The following AGTR1 variants were observed in gnomAD, a reference collection of about 807,000 sequenced individuals.
The protein encoded by AGTR1 is type-1 angiotensin II receptor.
A neutral mutation model predicts 19.4 loss-of-function variants in AGTR1; 16 were observed. That is an observed-to-expected ratio of 0.82 (90% confidence interval 0.56 to 1.25). The LOEUF is 1.25. Ranked by LOEUF, AGTR1 falls within the 50% of genes most tolerant of loss-of-function variation. The pLI is 0.00. For synonymous variants in AGTR1, 153 were observed against 154.9 expected (o/e 0.99, Z 0.09); for missense variants, 373 against 431.9 (o/e 0.86, Z 1.21).
At chr3:148,715,654 A>G (rs917159066) in intron 2 of AGTR1, among the ~76,000 whole-genome samples, 3 of 152,196 alleles carry the variant, frequency 2.0e-5, no homozygotes, top group Non-Finnish European at 4.4e-5. Flanking sequence ...ATAAAAATAA[A>G]TGCCATTATT....
chr3:148,720,282 C>T (rs570705159), intron 2 of AGTR1, among the ~76,000 whole-genome samples: 1 of 152,240 alleles, frequency 6.6e-6, no homozygotes, highest in East Asian at 1.9e-4. Context: ...CACACACACA[C>T]AGAGGCTCAA....
At chr3:148,729,338 T>A (rs934084712) in intron 2 of AGTR1, among the ~76,000 whole-genome samples, 1 of 152,228 alleles carries the variant, frequency 6.6e-6, no homozygotes, top group African/African-American at 2.4e-5. Context: ...TAGCCTTCTA[T>A]GCAGAAATGC....
At chr3:148,719,417 G>A (rs1335696843) in intron 2 of AGTR1, among the ~76,000 whole-genome samples, 1 of 152,158 alleles carries the variant, frequency 6.6e-6, no homozygotes, top group Non-Finnish European at 1.5e-5. Flanking sequence ...GTCTGGATCT[G>A]TATTATTTTT....
chr3:148,723,401 G>A (rs1221392954), intron 2 of AGTR1, among the ~76,000 whole-genome samples: 1 of 152,194 alleles, frequency 6.6e-6, no homozygotes, highest in Non-Finnish European at 1.5e-5. Flanking sequence ...GGGCCACTGA[G>A]TGTGGCTCTA....
At chr3:148,706,723 A>T (rs905748385) in intron 1 of AGTR1, among the ~76,000 whole-genome samples, 1 of 152,038 alleles carries the variant, frequency 6.6e-6, no homozygotes, top group Non-Finnish European at 1.5e-5. Context: ...AAGAATTACT[A>T]TGGAAACAAT....
intron 2 of AGTR1, among the ~76,000 whole-genome samples, chr3:148,728,590 G>C (rs1714086316): frequency 6.6e-6 from 1 of 152,154 alleles, no homozygotes; most frequent in South Asian, 2.1e-4. Flanking sequence ...AGTAGTTAAT[G>C]ATCCAGAAAT....
intron 2 of AGTR1, among the ~76,000 whole-genome samples, chr3:148,714,278 A>G (rs1713163143): frequency 6.6e-6 from 1 of 152,150 alleles, no homozygotes; most frequent in African/African-American, 2.4e-5. Context: ...AAAATTTATA[A>G]TATGTTGGAT....
chr3:148,701,466 T>G (rs530311774), intron 1 of AGTR1, among the ~76,000 whole-genome samples: 10 of 152,232 alleles, frequency 6.6e-5, no homozygotes, highest in Non-Finnish European at 1.3e-4. Flanking sequence ...AAATTCATTA[T>G]GTAGTATAAA....
At chr3:148,738,268 G>A (rs1275546222) in intron 2 of AGTR1, among the ~76,000 whole-genome samples, 1 of 151,972 alleles carries the variant, frequency 6.6e-6, no homozygotes, top group Non-Finnish European at 1.5e-5. Flanking sequence ...TTATTCCCAA[G>A]CTGAACCAAA....
intron 2 of AGTR1, among the ~76,000 whole-genome samples, chr3:148,720,645 C>G (rs1354756269): frequency 6.6e-6 from 1 of 152,164 alleles, no homozygotes; most frequent in African/African-American, 2.4e-5. Context: ...ATTAATCTAG[C>G]TGCCTCGTAC....
chr3:148,729,782 T>G (rs977775224), intron 2 of AGTR1, among the ~76,000 whole-genome samples: 1 of 152,194 alleles, frequency 6.6e-6, no homozygotes, highest in African/African-American at 2.4e-5. Context: ...CTGTAATTTA[T>G]GTTTAAAAAT....
chr3:148,725,479 G>A (rs1242513121), intron 2 of AGTR1, among the ~76,000 whole-genome samples: 3 of 152,042 alleles, frequency 2.0e-5, no homozygotes, highest in African/African-American at 7.2e-5. Context: ...AAAATTTTAT[G>A]ACGCAATTTA....
chr3:148,725,846 T>A (rs1309935539), intron 2 of AGTR1, among the ~76,000 whole-genome samples: 1 of 152,216 alleles, frequency 6.6e-6, no homozygotes, highest in East Asian at 1.9e-4. Context: ...TCCAGCCAGA[T>A]AATAGACTCT....
chr3:148,725,904 A>AAT (rs1339411835), intron 2 of AGTR1, among the ~76,000 whole-genome samples: 1 of 152,188 alleles, frequency 6.6e-6, no homozygotes, highest in Non-Finnish European at 1.5e-5. Flanking sequence ...CTAGGTGCTG[A>AAT]ATATATATCT....
intron 2 of AGTR1, chr3:148,730,012 TG>T (rs1344787575): frequency 2.7e-6 from 1 of 375,080 alleles, no homozygotes; most frequent in Admixed American, 4.5e-5. Flanking sequence ...CACCACAGTG[TG>T]AACTTAATAA....
chr3:148,706,851 G>A (rs534953267), intron 1 of AGTR1, among the ~76,000 whole-genome samples: 1 of 151,982 alleles, frequency 6.6e-6, no homozygotes, highest in Non-Finnish European at 1.5e-5. Flanking sequence ...CAGATTCTTG[G>A]TATTATAAAT....
At chr3:148,717,958 G>A (rs1713393065) in intron 2 of AGTR1, among the ~76,000 whole-genome samples, 1 of 152,140 alleles carries the variant, frequency 6.6e-6, no homozygotes, top group African/African-American at 2.4e-5. Context: ...TTTTTAAAAG[G>A]ATTGGGATGA....
At chr3:148,701,704 G>A (rs1171378484) in intron 1 of AGTR1, among the ~76,000 whole-genome samples, 1 of 152,018 alleles carries the variant, frequency 6.6e-6, no homozygotes, top group Non-Finnish European at 1.5e-5. Flanking sequence ...TTGGAAAATG[G>A]GTAAAAAATG....
At chr3:148,698,465 C>T (rs1372533895) in intron 1 of AGTR1, among the ~76,000 whole-genome samples, 3 of 152,166 alleles carry the variant, frequency 2.0e-5, no homozygotes, top group Admixed American at 6.5e-5. Context: ...TTTTAGTTAA[C>T]TCTTGTATTT....
Sources: allele counts gnomAD v4.1 joint callset (sites outside exome capture counted in the v4.1 genomes callset), GRCh38; gene constraint gnomAD v4.1.1; transcripts MANE v1.5; gene names NCBI Gene and HGNC (gene_info 2026-07-23, HGNC 2026-07-21).